SYNE2: variants seen among roughly 807,000 people sequenced by gnomAD.
SYNE2 encodes the protein nesprin-2.
Under a neutral mutation model 856.3 loss-of-function variants are expected in SYNE2, and 431 were observed. That is an observed-to-expected ratio of 0.50 (90% confidence interval 0.47 to 0.55). The LOEUF is 0.55. Ranked by LOEUF, SYNE2 falls within the 20% of genes least tolerant of loss-of-function variation. The probability of loss-of-function intolerance (pLI) is 0.00; values close to 1 mark genes in which losing one functional copy is unlikely to be tolerated. For synonymous variants in SYNE2, 2,923 were observed against 2,872.3 expected, an observed-to-expected ratio of 1.02 and a Z score of -0.56; for missense variants, 8,129 against 8,023.2, an observed-to-expected ratio of 1.01 and a Z score of -0.50.
intron 112 of SYNE2, among the ~76,000 whole-genome samples, chr14:64,222,536 C>A (rs907831641): frequency 4.6e-5 from 7 of 152,150 alleles, no homozygotes; most frequent in African/African-American, 1.7e-4. Flanking sequence ...GAAACCCTGT[C>A]TCTACTAAAA....
At chr14:63,955,043 C>G (rs1220482441) in intron 8 of SYNE2, 128 bp downstream of exon 8, 3 of 772,672 alleles carry the variant, frequency 3.9e-6, no homozygotes, top group Non-Finnish European at 4.3e-6. Flanking sequence ...AACTTAAGCT[C>G]TTTATCGAAT....
At chr14:63,868,342 G>T (rs1895965638) in intron 1 of SYNE2, among the ~76,000 whole-genome samples, 1 of 151,976 alleles carries the variant, frequency 6.6e-6, no homozygotes, top group Non-Finnish European at 1.5e-5. Flanking sequence ...AGGCGTGGTG[G>T]TGCACACCTG....
At chr14:64,081,352 C>G in intron 56 of SYNE2, 91 bp from the exon 57 acceptor site, 1 of 1,543,476 alleles carries the variant, frequency 6.5e-7, no homozygotes, top group Non-Finnish European at 8.9e-7. Flanking sequence ...CTGACACACC[C>G]CTGACTAACA....
intron 31 of SYNE2, among the ~76,000 whole-genome samples, chr14:64,007,962 A>G (rs571724371): frequency 6.6e-6 from 1 of 152,258 alleles, no homozygotes; most frequent in Non-Finnish European, 1.5e-5. Flanking sequence ...GTGAACCGAG[A>G]TAGCACCACC....
At chr14:63,778,282 T>G (rs1887181373) in intron 1 of SYNE2, among the ~76,000 whole-genome samples, 1 of 152,126 alleles carries the variant, frequency 6.6e-6, no homozygotes, top group African/African-American at 2.4e-5. Context: ...CCTCTGCAAT[T>G]GTAAGTTTCC....
At chr14:63,807,295 C>G (rs1188304430) in intron 1 of SYNE2, among the ~76,000 whole-genome samples, 1 of 149,472 alleles carries the variant, frequency 6.7e-6, no homozygotes, top group African/African-American at 2.5e-5. Flanking sequence ...TGAGCTCTGA[C>G]TGTGCCACTA....
Position 63,861,298 on chromosome 14 carries a change from C to T in SYNE2, c.-52+8155C>T, listed in dbSNP as rs1041000649. Among the ~76,000 whole-genome samples, 3 of 151,952 alleles carry T rather than the reference C, an allele frequency of 2.0e-5. No individual in the cohort carries two copies. The South Asian group carries it at 6.2e-4, about 32-fold the overall frequency. On this transcript the variant is annotated intron_variant, in intron 1 of 115. Transcript: ENST00000555002. ...TAGCTGGGATTACAGGTGCGCACCA[C>T]CACGCCCAGCTAATTTTTGTATTTT...
intron 1 of SYNE2, among the ~76,000 whole-genome samples, chr14:63,786,449 C>T (rs530374277): frequency 2.1e-4 from 32 of 152,272 alleles, no homozygotes; most frequent in African/African-American, 7.2e-4. Flanking sequence ...CTTCTTCCAC[C>T]CATTACTTTC....
chr14:64,121,940 A>T, intron 68 of SYNE2, 72 bp from the exon 69 acceptor site: 2 of 1,594,672 alleles, frequency 1.3e-6, no homozygotes, highest in Non-Finnish European at 1.7e-6. Flanking sequence ...GATTTATCTC[A>T]GCAGAGGAAA....
intron 1 of SYNE2, among the ~76,000 whole-genome samples, chr14:63,829,457 T>G (rs2139890650): frequency 6.6e-6 from 1 of 152,130 alleles, no homozygotes; most frequent in Admixed American, 6.6e-5. Flanking sequence ...AGTCTAGCGT[T>G]TCTTCTTCAA....
intron 81 of SYNE2, 94 bp downstream of exon 81, chr14:64,141,617 A>G: frequency 2.2e-6 from 3 of 1,354,008 alleles, no homozygotes; most frequent in Non-Finnish European, 3.1e-6. Flanking sequence ...ATTTTCATTG[A>G]CACTACCTAT....
In SYNE2 at chr14:64,073,994, A is replaced by C. The variant is rs777273052; in HGVS notation, c.10724A>C (p.Lys3575Thr). The change falls in exon 53 of 116, where the codon AAA (lysine) becomes ACA (threonine). Residue 3575 changes from lysine (K) to threonine (T), a missense_variant. Around this residue, in one of 3 missense-constraint regions of SYNE2, gnomAD observed 5,410 missense variants for 5,284.8 expected, o/e 1.02. Coordinates refer to ENST00000555002, the MANE Select transcript of SYNE2 (RefSeq NM_182914.3). ...NKLLQKVQKN[K>T]ELVQTEIQER... ...CTTCTTCAGAAAGTTCAGAAAAATA[A>C]AGAATTGGTGCAGACTGAAATCCAA... is the stretch of plus-strand genomic sequence containing the variant. 5.0e-6 allele frequency: 8 copies of C among 1,614,218 alleles called. No individual in the cohort carries two copies. In the Admixed American group the frequency reaches 1.2e-4, roughly 24 times the overall value.
At chr14:64,076,696 A>G (rs1027425223) in intron 54 of SYNE2, among the ~76,000 whole-genome samples, 37 of 151,760 alleles carry the variant, frequency 2.4e-4, no homozygotes, top group African/African-American at 8.9e-4. Flanking sequence ...GACAGCCCAT[A>G]TCAAACAGAA....
At chr14:63,974,133 A>G (rs2096507828) in intron 11 of SYNE2, among the ~76,000 whole-genome samples, 1 of 152,240 alleles carries the variant, frequency 6.6e-6, no homozygotes, top group African/African-American at 2.4e-5. Flanking sequence ...TAGACTGGGT[A>G]ACAGAAAGAT....
intron 57 of SYNE2, among the ~76,000 whole-genome samples, chr14:64,082,564 A>G (rs528438639): frequency 2.0e-5 from 3 of 152,268 alleles, no homozygotes; most frequent in Admixed American, 2.0e-4. Context: ...GCCAGCAAGG[A>G]AACAGGGAAC....
intron 73 of SYNE2, among the ~76,000 whole-genome samples, chr14:64,127,219 C>T (rs78587222): frequency 0.088 from 13,380 of 151,726 alleles, 774 homozygotes; most frequent in East Asian, 0.22. Context: ...TGAGATCACA[C>T]GACTGCACTC....
chr14:63,888,366 G>A (rs1441205517), intron 1 of SYNE2, among the ~76,000 whole-genome samples: 1 of 152,174 alleles, frequency 6.6e-6, no homozygotes, highest in Non-Finnish European at 1.5e-5. Context: ...CAGCAGCTGT[G>A]TGTGCTGGTC....
At chr14:64,147,757 A>T (rs1447855235) in intron 84 of SYNE2, among the ~76,000 whole-genome samples, 1 of 152,236 alleles carries the variant, frequency 6.6e-6, no homozygotes, top group Non-Finnish European at 1.5e-5. Context: ...ACATAGTAAT[A>T]TTCCAGAAGC....
intron 88 of SYNE2, among the ~76,000 whole-genome samples, 184 bp from the exon 89 acceptor site, chr14:64,163,218 G>A (rs1386190109): frequency 6.6e-6 from 1 of 152,156 alleles, no homozygotes; most frequent in African/African-American, 2.4e-5. Context: ...TCGGAAAAGC[G>A]CCAGTGATAT....
Sources: allele counts gnomAD v4.1 joint callset (sites outside exome capture counted in the v4.1 genomes callset), GRCh38; gene constraint gnomAD v4.1.1; regional missense constraint gnomAD v4.1.1; transcripts MANE v1.5; gene names NCBI Gene and HGNC (gene_info 2026-07-23, HGNC 2026-07-21).